Variants in CWC27 observed in about 807,000 individuals in gnomAD.
The protein encoded by CWC27 is spliceosome-associated protein CWC27 homolog.
Under a neutral mutation model 63.6 loss-of-function variants are expected in CWC27, and 47 were observed. That is an observed-to-expected ratio of 0.74 (90% CI 0.58 to 0.94). The LOEUF (loss-of-function observed/expected upper bound fraction) is 0.94, where lower values mean the gene tolerates loss of function less well. CWC27 is among the 40% of genes least tolerant of loss of function. The pLI is 0.00. For synonymous variants in CWC27, 175 were observed against 179.8 expected, an observed-to-expected ratio of 0.97 and a Z score of 0.22; for missense variants, 495 against 554.3, an observed-to-expected ratio of 0.89 and a Z score of 1.07.
At chr5:64,872,566 A>G (rs901001029) in intron 10 of CWC27, among the ~76,000 whole-genome samples, 2 of 152,148 alleles carry the variant, frequency 1.3e-5, no homozygotes, top group African/African-American at 4.8e-5. Flanking sequence ...TTCTTATTTA[A>G]TCTATACCAT....
intron 11 of CWC27, among the ~76,000 whole-genome samples, chr5:64,958,480 A>G (rs1748842993): frequency 6.6e-6 from 1 of 152,200 alleles, no homozygotes; most frequent in African/African-American, 2.4e-5. Context: ...TTCTAGACAT[A>G]TTCCTTTTAT....
At chr5:64,836,470 A>G (rs1458265167) in intron 10 of CWC27, among the ~76,000 whole-genome samples, 1 of 152,012 alleles carries the variant, frequency 6.6e-6, no homozygotes, top group Non-Finnish European at 1.5e-5. Flanking sequence ...TGTTTTTATC[A>G]TTCTTGGAAC....
chr5:64,939,194 T>C (rs2112412207), intron 11 of CWC27, among the ~76,000 whole-genome samples: 1 of 152,298 alleles, frequency 6.6e-6, no homozygotes, highest in African/African-American at 2.4e-5. Context: ...GGTGTTCTGA[T>C]TTTTGGAATT....
intron 11 of CWC27, among the ~76,000 whole-genome samples, chr5:64,920,318 A>G (rs1288393498): frequency 6.6e-6 from 1 of 152,138 alleles, no homozygotes; most frequent in Non-Finnish European, 1.5e-5. Context: ...TCCAGGGATA[A>G]AGCCTACTTG....
intron 13 of CWC27, among the ~76,000 whole-genome samples, chr5:65,000,646 A>G (rs1051011718): frequency 2.6e-5 from 4 of 151,872 alleles, no homozygotes; most frequent in Non-Finnish European, 5.9e-5. Flanking sequence ...ACATATGTGC[A>G]TTTATTTCTG....
At chr5:64,869,772 T>C (rs1444745407) in intron 10 of CWC27, among the ~76,000 whole-genome samples, 1 of 152,076 alleles carries the variant, frequency 6.6e-6, no homozygotes, top group Non-Finnish European at 1.5e-5. Context: ...GCTTTGTGTC[T>C]ATTGTATCCA....
intron 10 of CWC27, 196 bp downstream of exon 10, chr5:64,804,582 C>T (rs892405725): frequency 2.0e-6 from 1 of 493,388 alleles, no homozygotes; most frequent in African/African-American, 1.9e-5. Flanking sequence ...TAACAATGAT[C>T]CTATGAGTTC....
intron 13 of CWC27, among the ~76,000 whole-genome samples, chr5:64,981,753 GC>G (rs1403031654): frequency 6.6e-6 from 1 of 152,140 alleles, no homozygotes; most frequent in African/African-American, 2.4e-5. Flanking sequence ...GAAATGCTTT[GC>G]CTTCTTAAAT....
chr5:64,903,795 C>G (rs1026527686), intron 11 of CWC27, among the ~76,000 whole-genome samples: 1 of 152,146 alleles, frequency 6.6e-6, no homozygotes, highest in African/African-American at 2.4e-5. Context: ...TTCTGACGCC[C>G]CTCACAGTTT....
intron 7 of CWC27, among the ~76,000 whole-genome samples, chr5:64,790,179 C>T (rs954699323): frequency 6.6e-6 from 1 of 152,128 alleles, no homozygotes; most frequent in Non-Finnish European, 1.5e-5. Flanking sequence ...TGTACACCAA[C>T]ATTCTAAACT....
chr5:64,861,814 C>T (rs979189589), intron 10 of CWC27, among the ~76,000 whole-genome samples: 11 of 152,230 alleles, frequency 7.2e-5, no homozygotes, highest in Middle Eastern at 3.4e-3. Flanking sequence ...GTAATAGTTG[C>T]ATTGCTATAG....
intron 10 of CWC27, among the ~76,000 whole-genome samples, chr5:64,818,964 A>C (rs1398778521): frequency 1.3e-5 from 2 of 152,234 alleles, no homozygotes; most frequent in African/African-American, 4.8e-5. Flanking sequence ...TAGCTATTTA[A>C]AGATATTTGC....
chr5:64,781,656 C>T (rs1320063030), intron 2 of CWC27, among the ~76,000 whole-genome samples: 3 of 152,180 alleles, frequency 2.0e-5, no homozygotes, highest in Non-Finnish European at 4.4e-5. Context: ...TATCAGAACT[C>T]TCTAATTTCT....
intron 13 of CWC27, among the ~76,000 whole-genome samples, chr5:64,983,567 T>C (rs1472168485): frequency 6.6e-6 from 1 of 152,230 alleles, no homozygotes; most frequent in Non-Finnish European, 1.5e-5. Context: ...ACCCAATCTA[T>C]AGGTCCTGGG....
At chr5:64,785,028 T>A (rs1179533472) in intron 4 of CWC27, among the ~76,000 whole-genome samples, 1 of 152,248 alleles carries the variant, frequency 6.6e-6, no homozygotes, top group Non-Finnish European at 1.5e-5. Flanking sequence ...TTATACCTTC[T>A]TTGATCCTCA....
chr5:64,863,579 T>TG (rs1314271344), intron 10 of CWC27, among the ~76,000 whole-genome samples: 3 of 152,010 alleles, frequency 2.0e-5, no homozygotes, highest in Non-Finnish European at 2.9e-5. Flanking sequence ...ACTGGATTCT[T>TG]GAACTCCTGG....
chr5:64,886,028 G>A (rs1279477908), intron 11 of CWC27, among the ~76,000 whole-genome samples: 2 of 151,938 alleles, frequency 1.3e-5, no homozygotes, highest in Non-Finnish European at 2.9e-5. Flanking sequence ...TTTGTGTGTT[G>A]GTTTGAATAG....
chr5:64,936,097 C>A (rs1748346888), intron 11 of CWC27, among the ~76,000 whole-genome samples: 1 of 152,194 alleles, frequency 6.6e-6, no homozygotes, highest in Admixed American at 6.5e-5. Context: ...TTATTTATTT[C>A]TCTTGCCTGA....
At chr5:64,888,375 T>A (rs1224532411) in intron 11 of CWC27, among the ~76,000 whole-genome samples, 2 of 146,928 alleles carry the variant, frequency 1.4e-5, no homozygotes, top group East Asian at 3.9e-4. Flanking sequence ...AAATAATTTG[T>A]TTATATATAA....
Sources: gnomAD v4.1 joint callset for allele counts (sites outside exome capture counted in the v4.1 genomes callset) on GRCh38, gnomAD v4.1.1 for gene constraint, MANE v1.5 for transcripts, NCBI Gene and HGNC (gene_info 2026-07-23, HGNC 2026-07-21) for gene names.